Variants in FSAF1 observed in about 807,000 individuals in gnomAD.
FSAF1 encodes the protein uncharacterized protein C1orf131.
chr1:231,234,421 A>G, the FSAF1 span, among the ~76,000 whole-genome samples: 1 of 152,188 alleles, frequency 6.6e-6, no homozygotes, highest in Non-Finnish European at 1.5e-5. This position sits in a 1 kb window ranked among gnomAD's most constrained non-coding sequence, Gnocchi z 4.0. Flanking sequence ...TTAAAAGCAT[A>G]AGAATTTTCT....
the FSAF1 span, chr1:231,224,981 A>T: frequency 4.7e-5 from 8 of 169,014 alleles, no homozygotes; most frequent in East Asian, 1.3e-3. Flanking sequence ...GTACAAGTGC[A>T]CTAGGAGCCC....
the FSAF1 span, among the ~76,000 whole-genome samples, chr1:231,231,283 T>C: frequency 2.0e-5 from 3 of 152,194 alleles, no homozygotes; most frequent in Non-Finnish European, 4.4e-5. Flanking sequence ...CACATTTACT[T>C]TGAAGTTACG....
the FSAF1 span, chr1:231,237,373 C>T: frequency 6.6e-6 from 1 of 152,172 alleles, no homozygotes; most frequent in African/African-American, 2.4e-5. Context: ...AAACATATGG[C>T]CATGTCCTAC....
At chr1:231,230,085 T>G in the FSAF1 span, among the ~76,000 whole-genome samples, 2 of 152,108 alleles carry the variant, frequency 1.3e-5, no homozygotes. Context: ...CTGTCAAAAG[T>G]AATACAAGCA....
chr1:231,225,524 C>G, the FSAF1 span: 2 of 1,612,266 alleles, frequency 1.2e-6, no homozygotes, highest in South Asian at 1.1e-5. Context: ...TTTCTTGGGC[C>G]TGATTTCAGA....
At chr1:231,238,093 A>C in the FSAF1 span, 1 of 152,310 alleles carries the variant, frequency 6.6e-6, no homozygotes, top group Non-Finnish European at 1.5e-5. Flanking sequence ...GAGGCAGAAG[A>C]ATGGCATGAA....
chr1:231,225,243 T>TA, the FSAF1 span: 1 of 573,292 alleles, frequency 1.7e-6, no homozygotes, highest in South Asian at 2.4e-5. Flanking sequence ...ACTAGTCACT[T>TA]AGAGTGTCGG....
the FSAF1 span, among the ~76,000 whole-genome samples, chr1:231,239,993 C>A: frequency 6.6e-6 from 1 of 152,174 alleles, no homozygotes; most frequent in African/African-American, 2.4e-5. Flanking sequence ...GAGACTAAGT[C>A]TTCTCTGTCC....
chr1:231,232,127 T>C, the FSAF1 span, among the ~76,000 whole-genome samples: 3 of 152,228 alleles, frequency 2.0e-5, no homozygotes, highest in Non-Finnish European at 4.4e-5. Flanking sequence ...TTTATTTTTA[T>C]TCATAGCTTG....
chr1:231,230,604 G>C, the FSAF1 span, among the ~76,000 whole-genome samples: 1 of 152,184 alleles, frequency 6.6e-6, no homozygotes, highest in Admixed American at 6.5e-5. Flanking sequence ...CAGTCCATGA[G>C]GCAGCCACAA....
the FSAF1 span, among the ~76,000 whole-genome samples, chr1:231,239,739 G>A: frequency 6.6e-5 from 10 of 152,160 alleles, no homozygotes; most frequent in African/African-American, 2.2e-4. Flanking sequence ...TTACTCACAT[G>A]TATTACAAAT....
the FSAF1 span, chr1:231,227,160 C>T: frequency 8.4e-5 from 111 of 1,317,976 alleles, no homozygotes; most frequent in Non-Finnish European, 1.1e-4. Context: ...TCAGATCCAC[C>T]GCTCTGTAAT....
chr1:231,225,349 TGA>T, the FSAF1 span: 1 of 878,332 alleles, frequency 1.1e-6, no homozygotes, highest in Non-Finnish European at 1.9e-6. Flanking sequence ...CAAGGATAAA[TGA>T]GAGACAGTGA....
At chr1:231,226,936 T>A in the FSAF1 span, 1 of 1,611,714 alleles carries the variant, frequency 6.2e-7, no homozygotes, top group Non-Finnish European at 8.5e-7. Context: ...TTTTTTTGCA[T>A]GTTGTCTAGT....
chr1:231,226,873 A>G, the FSAF1 span: 1 of 1,592,080 alleles, frequency 6.3e-7, no homozygotes, highest in Non-Finnish European at 8.6e-7. Context: ...TATTCTGCAA[A>G]AATGTTCCAG....
the FSAF1 span, among the ~76,000 whole-genome samples, chr1:231,232,695 G>A: frequency 6.6e-6 from 1 of 152,208 alleles, no homozygotes; most frequent in Non-Finnish European, 1.5e-5. Flanking sequence ...ATGCTGGGCA[G>A]GGAAGAAGGA....
chr1:231,229,141 A>T, the FSAF1 span: 2 of 1,507,266 alleles, frequency 1.3e-6, no homozygotes, highest in East Asian at 4.6e-5. Flanking sequence ...ACAATCTCAA[A>T]GTACATACTT....
At chr1:231,224,487 G>C in the FSAF1 span, 1 of 1,463,486 alleles carries the variant, frequency 6.8e-7, no homozygotes, top group South Asian at 1.3e-5. Context: ...CCACCAACCA[G>C]GCCACTGCAG....
the FSAF1 span, among the ~76,000 whole-genome samples, chr1:231,227,596 T>TTG: frequency 4.8e-5 from 7 of 144,942 alleles, no homozygotes; most frequent in South Asian, 4.6e-4. Flanking sequence ...TTTTTTTTTT[T>TTG]TTTTTTTTTT....
Sources: gnomAD v4.1 joint callset for allele counts (sites outside exome capture counted in the v4.1 genomes callset) on GRCh38, gnomAD v4.1.1 for gene constraint, Gnocchi (gnomAD v3.1) non-coding constraint, MANE v1.5 for transcripts, NCBI Gene and HGNC (gene_info 2026-07-23, HGNC 2026-07-21) for gene names.